The following WLS variants were observed in gnomAD, a reference collection of about 807,000 sequenced individuals.
WLS encodes the protein protein wntless homolog.
In WLS, 23 loss-of-function variants were observed where a neutral mutation model predicts 62.8. That is an observed-to-expected ratio of 0.37 (90% CI 0.26 to 0.52). The LOEUF (loss-of-function observed/expected upper bound fraction) is 0.52, where lower values mean the gene tolerates loss of function less well. Ranked by LOEUF, WLS falls within the 20% of genes least tolerant of loss-of-function variation. The probability of loss-of-function intolerance (pLI) is 0.92; values close to 1 mark genes in which losing one functional copy is unlikely to be tolerated. For missense variants in WLS, 615 were observed against 697.3 expected (o/e 0.88, Z 1.33); for synonymous variants, 246 against 244.1 (o/e 1.01, Z -0.07).
intron 10 of WLS, among the ~76,000 whole-genome samples, chr1:68,139,769 G>C (rs879397939): frequency 3.3e-5 from 5 of 152,238 alleles, no homozygotes; most frequent in Non-Finnish European, 7.3e-5. Context: ...TGAATGAACA[G>C]AGGTAAAGTA....
chr1:68,173,785 C>T (rs1647189708), intron 2 of WLS, among the ~76,000 whole-genome samples: 1 of 152,192 alleles, frequency 6.6e-6, no homozygotes, highest in Non-Finnish European at 1.5e-5. Flanking sequence ...CAATATTAGG[C>T]AGCAGGGCCA....
chr1:68,230,568 C>T (rs1457021968), intron 1 of WLS, among the ~76,000 whole-genome samples: 1 of 127,742 alleles, frequency 7.8e-6, no homozygotes, highest in South Asian at 3.0e-4. Flanking sequence ...CAAAAGCCAA[C>T]CCGTGTGTGT....
chr1:68,126,211 G>C lies in WLS; in HGVS notation c.*15C>G. ...GGGGTATGGAGAGACCGTCCCAGCC[G>C]GGCGCTGCAGCCTCCTACTCCTGGG... On this transcript the variant is annotated 3_prime_UTR_variant, in exon 12 of 12. Transcript: ENST00000262348. 6 of 1,613,862 alleles carry C rather than the reference G, an allele frequency of 3.7e-6. No individual in the cohort carries two copies. The highest frequency in any genetic ancestry group is 2.2e-5 in the East Asian group (1 of 44,814).
At chr1:68,161,759 G>A (rs61771348) in intron 2 of WLS, 3 of 1,595,588 alleles carry the variant, frequency 1.9e-6, no homozygotes, top group Middle Eastern at 2.3e-4. Context: ...CTCTGCTATT[G>A]CTCGTTGGAG....
intron 2 of WLS, among the ~76,000 whole-genome samples, chr1:68,165,554 T>G (rs1647048430): frequency 6.6e-6 from 1 of 152,140 alleles, no homozygotes; most frequent in Admixed American, 6.5e-5. Flanking sequence ...CTCTTGGATG[T>G]TCGGTGGGGG....
At chr1:68,162,664 A>G in intron 2 of WLS, 1 of 1,237,412 alleles carries the variant, frequency 8.1e-7, no homozygotes, top group Non-Finnish European at 1.2e-6. Context: ...GTACAGATTG[A>G]GGATGTGGCA....
chr1:68,172,745 C>G (rs978095842), intron 2 of WLS, among the ~76,000 whole-genome samples: 1 of 151,886 alleles, frequency 6.6e-6, no homozygotes, highest in Admixed American at 6.6e-5. Flanking sequence ...CACTAGGCAG[C>G]GAGATAGGAA....
rs549377207 is a variant in WLS at position 68,185,085 on chromosome 1, C to T, written c.379+8870G>A. On this transcript the variant is annotated intron_variant, in intron 2 of 11. Transcript: ENST00000262348. The stretch of plus-strand genomic sequence containing the variant: ...CACACACCAAGCAAGCAATCAATCA[C>T]TTCCACAGCAGACATCAGCTGGGTG... Among the ~76,000 whole-genome samples, 21 of 152,292 alleles carry T rather than the reference C, an allele frequency of 1.4e-4. No homozygotes were observed. In the South Asian group the frequency reaches 3.9e-3, roughly 29 times the overall value.
At chr1:68,184,102 A>G (rs887756400) in intron 2 of WLS, among the ~76,000 whole-genome samples, 4 of 152,210 alleles carry the variant, frequency 2.6e-5, no homozygotes, top group Admixed American at 2.0e-4. Flanking sequence ...CAACCCCTGA[A>G]ACTCCTAGAT....
chr1:68,124,006 A>G (rs1646394489), downstream of WLS, among the ~76,000 whole-genome samples: 1 of 152,154 alleles, frequency 6.6e-6, no homozygotes, highest in Non-Finnish European at 1.5e-5. Flanking sequence ...TAGTGAATCC[A>G]CTGACATTTG....
chr1:68,225,052 C>T (rs1463209565), intron 1 of WLS, among the ~76,000 whole-genome samples: 4 of 151,944 alleles, frequency 2.6e-5, no homozygotes, highest in Non-Finnish European at 5.9e-5. Context: ...AAAGTATTTA[C>T]TTCTTTGGGT....
intron 3 of WLS, among the ~76,000 whole-genome samples, chr1:68,158,202 G>T (rs999261495): frequency 4.6e-5 from 7 of 152,186 alleles, no homozygotes; most frequent in Admixed American, 6.5e-5. Flanking sequence ...AATAGGTTCT[G>T]GGTGTGCCCT....
At chr1:68,119,511 C>T (rs555320382) in intron 11 of WLS, among the ~76,000 whole-genome samples, 110 of 152,334 alleles carry the variant, frequency 7.2e-4, no homozygotes, top group African/African-American at 2.5e-3. Context: ...AAGAGCCTGG[C>T]GGTGGCCCTC....
At chr1:68,118,493 GCCT>G (rs1425993841) in intron 11 of WLS, among the ~76,000 whole-genome samples, 2 of 151,976 alleles carry the variant, frequency 1.3e-5, no homozygotes, top group Admixed American at 6.6e-5. Context: ...ACTATCTATT[GCCT>G]CCTCCCTCCC....
chr1:68,223,693 G>A (rs1454824992), intron 1 of WLS, among the ~76,000 whole-genome samples: 1 of 152,206 alleles, frequency 6.6e-6, no homozygotes, highest in Non-Finnish European at 1.5e-5. Flanking sequence ...TTTTATGCTT[G>A]TAGCAATCCC....
chr1:68,111,512 A>G (rs1180562906), intron 11 of WLS, among the ~76,000 whole-genome samples: 1 of 152,092 alleles, frequency 6.6e-6, no homozygotes, highest in African/African-American at 2.4e-5. Flanking sequence ...AACACGGAGG[A>G]GGGATTTTTT....
chr1:68,113,794 G>A (rs2033349), intron 11 of WLS, among the ~76,000 whole-genome samples: 68,566 of 151,992 alleles, frequency 0.45, 15,769 homozygotes, highest in Middle Eastern at 0.53. Context: ...CGCAGGGAAA[G>A]GCTTGAAAAG....
intron 6 of WLS, 71 bp from the exon 7 acceptor site, chr1:68,148,731 C>A (rs1646786226): frequency 7.0e-7 from 1 of 1,424,638 alleles, no homozygotes; most frequent in Non-Finnish European, 9.8e-7. Flanking sequence ...GGGGAGTCAG[C>A]ATTCGAAGGA....
intron 1 of WLS, among the ~76,000 whole-genome samples, chr1:68,204,642 A>G (rs2772291): frequency 0.032 from 4,901 of 152,304 alleles, 186 homozygotes; most frequent in African/African-American, 0.086. Context: ...AAATCACAAA[A>G]TTAAATAGTC....
Sources: gnomAD v4.1 joint callset for allele counts (sites outside exome capture counted in the v4.1 genomes callset) on GRCh38, gnomAD v4.1.1 for gene constraint, MANE v1.5 for transcripts, NCBI Gene and HGNC (gene_info 2026-07-23, HGNC 2026-07-21) for gene names.